The following DBR1 variants were observed in gnomAD, a reference collection of about 807,000 sequenced individuals.
DBR1 encodes debranching RNA lariats 1, also known as lariat debranching enzyme.
A neutral mutation model predicts 45.9 loss-of-function variants in DBR1; 33 were observed. The ratio of observed to expected loss-of-function variants is 0.72; its 90% CI spans 0.55 to 0.96. The LOEUF (loss-of-function observed/expected upper bound fraction) is 0.96, where lower values mean the gene tolerates loss of function less well. Ranked by LOEUF, DBR1 falls within the 40% of genes least tolerant of loss-of-function variation. The pLI, the probability that DBR1 is intolerant of heterozygous loss-of-function variation, is 0.00. For missense variants in DBR1, 619 were observed against 667.4 expected, an observed-to-expected ratio of 0.93 and a Z score of 0.80; for synonymous variants, 235 against 235.9, an observed-to-expected ratio of 1.00 and a Z score of 0.04.
chr3:138,168,086 T>G (rs1418020209), intron 4 of DBR1, among the ~76,000 whole-genome samples: 4 of 152,174 alleles, frequency 2.6e-5, no homozygotes, highest in African/African-American at 9.6e-5. Flanking sequence ...TCACATAGTA[T>G]ACACTAAAAA....
Position 138,170,169 on chromosome 3 carries a change from T to G in DBR1, c.427A>C (p.Asn143His). The G allele has an allele frequency of 6.3e-7, 1 of 1,596,186 alleles. No homozygotes were observed. The highest frequency in any genetic ancestry group is 1.1e-5 in the South Asian group (1 of 88,304). Residue 143 changes from asparagine (N) to histidine (H), a missense_variant, in exon 4 of 8, where the codon AAT becomes CAT. This residue lies in a region of DBR1 where 430 missense variants were observed against 447.7 expected (regional missense o/e 0.96). Coordinates refer to ENST00000260803, the MANE Select transcript of DBR1 (RefSeq NM_016216.4). ...TATATACTCCTGATTGTAGATGAAT[T>G]ATAAGGGGGGCACTCAAAATGACCT... ...RKGHFECPPY[N>H]SSTIRSIYHV...
At chr3:138,172,136 C>T (rs182620301) in intron 2 of DBR1, among the ~76,000 whole-genome samples, 16 of 152,314 alleles carry the variant, frequency 1.1e-4, no homozygotes, top group Non-Finnish European at 2.2e-4. Context: ...GATTGATCAT[C>T]TTCTGACAAT....
At position 138,174,792 on chromosome 3, in the gene DBR1, G is replaced by T. The variant is rs543014578; in HGVS notation, c.4C>A (p.Arg2=). The T allele has an allele frequency of 6.2e-7, 1 of 1,610,384 alleles. No individual in the cohort carries two copies. The highest frequency in any genetic ancestry group is 1.3e-5 in the African/African-American group (1 of 74,992). M[R]VAVAGCCHGE... ...TGGCAGCAGCCAGCCACAGCCACCC[G>T]CATTCTGCCGGCCTGAGGAGGTGAG... is the stretch of plus-strand genomic sequence containing the variant. The change falls in exon 1 of 8, where the codon CGG becomes AGG. Residue 2 remains arginine, a synonymous_variant. Transcript: ENST00000260803.
rs75082005 is a variant in DBR1 at position 138,170,030 on chromosome 3, A to T, written c.489+77T>A. On this transcript the variant is annotated intron_variant, in intron 4 of 7. Coordinates refer to ENST00000260803, the MANE Select transcript of DBR1 (RefSeq NM_016216.4). ...TTGCTCTTCTTGAAAGTAGTATACC[A>T]ATATGACCAAAATACATTTTGGCAC... The T allele has an allele frequency of 6.0e-3, 5,561 of 934,320 alleles. 216 individuals carry two copies. In the African/African-American group the frequency reaches 0.083, roughly 14 times the overall value. 57.9% of individuals were successfully genotyped at this position (934,320 alleles called of 1,614,324 possible).
intron 5 of DBR1, 62 bp downstream of exon 5, chr3:138,167,019 G>A: frequency 1.4e-6 from 2 of 1,438,410 alleles, no homozygotes; most frequent in Non-Finnish European, 1.9e-6. Context: ...TTACAACTGT[G>A]TCTGGTCCAT....
At chr3:138,174,550 C>T in intron 1 of DBR1, 49 bp downstream of exon 1, 1 of 1,500,976 alleles carries the variant, frequency 6.7e-7, no homozygotes, top group African/African-American at 1.4e-5. Flanking sequence ...GCAGAGGGAA[C>T]CCAGTCCCAC....
chr3:138,165,304 G>A (rs1392182077), intron 5 of DBR1, among the ~76,000 whole-genome samples: 1 of 152,072 alleles, frequency 6.6e-6, no homozygotes, highest in African/African-American at 2.4e-5. Flanking sequence ...TCAGATTTTG[G>A]AATATTTACA....
chr3:138,165,090 G>A (rs1344614428), intron 5 of DBR1, among the ~76,000 whole-genome samples: 1 of 151,986 alleles, frequency 6.6e-6, no homozygotes, highest in Admixed American at 6.6e-5. Context: ...AGCATCTCTA[G>A]TTAAAACCTG....
At position 138,167,198 on chromosome 3, in the gene DBR1, T is replaced by G; in HGVS notation, c.597A>C (p.Glu199Asp). The stretch of plus-strand genomic sequence containing the variant: ...GACTTCCTAATGTGTTATTTTCCAC[T>G]TCTTGTCGGAAAAAAGATTTAGTCT... ...LLKTKSFFRQ[E>D]VENNTLGSPA... The change falls in exon 5 of 8, where the codon GAA becomes GAC. Residue 199 changes from glutamate (E) to aspartate (D), a missense_variant. Coordinates refer to ENST00000260803, the MANE Select transcript of DBR1 (RefSeq NM_016216.4). 6.2e-7 allele frequency: 1 copy of G among 1,614,008 alleles called. No homozygotes were observed. Among genetic ancestry groups the G allele is most frequent in the Non-Finnish European group, 8.5e-7 (1 of 1,179,926 alleles).
rs2042926542 is a variant in DBR1, at chr3:138,165,620, T to C, written c.714+1461A>G. Among the ~76,000 whole-genome samples the C allele has an allele frequency of 2.6e-5, 4 of 152,018 alleles. No homozygotes were observed. In the South Asian group the frequency reaches 8.3e-4, roughly 32 times the overall value. ...GGCGGGCGCCTGTAGTCCCAGCTAC[T>C]CTGGACACTGAGGCAGGAGAATGGT... On this transcript the variant is annotated intron_variant, in intron 5 of 7. Transcript: ENST00000260803.
Position 138,162,038 on chromosome 3 carries a change from T to A in DBR1, c.1486A>T (p.Thr496Ser). 6.2e-7 allele frequency: 1 copy of A among 1,614,150 alleles called. No individual in the cohort carries two copies. Among genetic ancestry groups the A allele is most frequent in the Non-Finnish European group, 8.5e-7 (1 of 1,180,038 alleles). The change falls in exon 8 of 8, where the codon ACT (threonine) becomes TCT (serine). Residue 496 changes from threonine (T) to serine (S), a missense_variant. Thr to Ser is a moderately conservative substitution (Grantham distance 58, BLOSUM62 1). Coordinates refer to ENST00000260803, the MANE Select transcript of DBR1 (RefSeq NM_016216.4). ...TIDREGKPGG[T>S]VESGNGEDLT... ...TCCTCTCCATTCCCTGACTCCACAGTCCCACCAGGTTTCCCCTCTCTATCA... is the reference window on the plus strand; with the variant it reads ...TCCTCTCCATTCCCTGACTCCACAGACCCACCAGGTTTCCCCTCTCTATCA...
Position 138,174,920 on chromosome 3 carries a change from G to T in DBR1, c.-125C>A. ...AGCCACCGCCTGGGTGTAGACTCCT[G>T]CAAAATAATTCACTTCCGGTTTCCA... On this transcript the variant is annotated 5_prime_UTR_variant, in exon 1 of 8. Transcript: ENST00000260803. 2.4e-6 allele frequency: 2 copies of T among 826,696 alleles called. No homozygotes were observed. Among genetic ancestry groups the T allele is most frequent in the Non-Finnish European group, 3.7e-6 (2 of 546,490 alleles). 51.2% of individuals were successfully genotyped at this position (826,696 alleles called of 1,614,324 possible).
Position 138,163,430 on chromosome 3 carries a change from G to C in DBR1, c.860C>G (p.Thr287Ser), listed in dbSNP as rs2042916871. The C allele has an allele frequency of 6.2e-7, 1 of 1,613,208 alleles. No homozygotes were observed. The highest frequency in any genetic ancestry group is 1.1e-5 in the South Asian group (1 of 91,032). Residue 287 changes from threonine (T) to serine (S), a missense_variant, in exon 7 of 8, where the codon ACT (threonine) becomes AGT (serine). By Grantham distance (58) the Thr-to-Ser change is moderately conservative. Around this residue, in one of 3 missense-constraint regions of DBR1, gnomAD observed 430 missense variants for 447.7 expected, o/e 0.96. Coordinates refer to ENST00000260803, the MANE Select transcript of DBR1 (RefSeq NM_016216.4). Reference protein sequence around the residue: ...DYLEYDIEWLTILRATDDLIN... With the variant: ...DYLEYDIEWLSILRATDDLIN... Reference sequence around the variant, plus strand: ...AAGATCATCCGTAGCCCTGAGAATAGTGAGCCATTCAATATCATATTCCAA... The same window carrying C: ...AAGATCATCCGTAGCCCTGAGAATACTGAGCCATTCAATATCATATTCCAA...
At chr3:138,172,348 C>G (rs2042958959) in intron 2 of DBR1, among the ~76,000 whole-genome samples, 1 of 152,054 alleles carries the variant, frequency 6.6e-6, no homozygotes, top group African/African-American at 2.4e-5. Context: ...CTTTGGAGGC[C>G]CAGGTGGGCG....
Position 138,174,792 on chromosome 3 carries a change from G to A in DBR1, c.4C>T (p.Arg2Trp), listed in dbSNP as rs543014578. 2 of 1,610,380 alleles carry A rather than the reference G, an allele frequency of 1.2e-6. No homozygotes were observed. Among genetic ancestry groups the A allele is most frequent in the African/African-American group, 1.3e-5 (1 of 74,992 alleles). The change falls in exon 1 of 8, where the codon CGG becomes TGG. Residue 2 changes from arginine (R) to tryptophan (W), a missense_variant. This residue lies in a region of DBR1 where 430 missense variants were observed against 447.7 expected (regional missense o/e 0.96). Coordinates refer to ENST00000260803, the MANE Select transcript of DBR1 (RefSeq NM_016216.4). ...TGGCAGCAGCCAGCCACAGCCACCC[G>A]CATTCTGCCGGCCTGAGGAGGTGAG... M[R>W]VAVAGCCHGE...
In DBR1 at chr3:138,167,096, G is replaced by A; in HGVS notation, c.699C>T (p.Ala233=). 1 of 1,614,098 alleles carries A rather than the reference G, an allele frequency of 6.2e-7. No homozygotes were observed. ...TGTTTTCTACCTGATGCTGCATCAA[G>A]GCGGCAAACTTCACATGAAGGTGGG... is the stretch of plus-strand genomic sequence containing the variant. The part of the protein sequence containing the change: ...FSAHLHVKFA[A]LMQHQAKDKG... The change falls in exon 5 of 8, where the codon GCC becomes GCT. Residue 233 remains alanine (A), a synonymous_variant. Transcript: ENST00000260803.
In DBR1 at chr3:138,161,417, G is replaced by C. The variant is rs2042906463; in HGVS notation, c.*472C>G. 6.5e-6 allele frequency: 1 copy of C among 154,714 alleles called. No homozygotes were observed. Among genetic ancestry groups the C allele is most frequent in the Non-Finnish European group, 1.4e-5 (1 of 69,564 alleles). The allele number at this position is 154,714 out of a possible 1,614,324, so 9.6% of individuals were successfully genotyped here. ...ATGTTTGCATCTGAAACATACAAAA[G>C]CCTAAAGATAAAGTCAATATCTAAC... On this transcript the variant is annotated 3_prime_UTR_variant, in exon 8 of 8. Transcript: ENST00000260803.
chr3:138,172,595 G>C (rs1263811621), intron 2 of DBR1, among the ~76,000 whole-genome samples: 1 of 151,994 alleles, frequency 6.6e-6, no homozygotes. Flanking sequence ...ACCTTGTCTC[G>C]AAAAATAAAG....
chr3:138,166,126 ACT>A (rs1177735786), intron 5 of DBR1, among the ~76,000 whole-genome samples: 2 of 152,100 alleles, frequency 1.3e-5, no homozygotes, highest in Admixed American at 6.5e-5. Context: ...TGCAATAAAG[ACT>A]CTCAGAAATT....
Sources: gnomAD v4.1 joint callset for allele counts (sites outside exome capture counted in the v4.1 genomes callset) on GRCh38, gnomAD v4.1.1 for gene constraint, gnomAD v4.1.1 regional missense constraint, MANE v1.5 for transcripts, NCBI Gene and HGNC (gene_info 2026-07-23, HGNC 2026-07-21) for gene names.